The following SNX29 variants were observed in gnomAD, a reference collection of about 807,000 sequenced individuals.
SNX29 encodes the protein sorting nexin-29.
SNX29 carries 78 observed loss-of-function variants against 102.1 expected under a neutral mutation model. That is an observed-to-expected ratio of 0.76 (90% CI 0.64 to 0.92). SNX29 has a LOEUF of 0.92. SNX29 is among the 40% of genes least tolerant of loss of function. SNX29 has a pLI of 0.00. For synonymous variants in SNX29, 580 were observed against 414.5 expected (o/e 1.40, Z -4.85); for missense variants, 1,280 against 1,061.7 (o/e 1.21, Z -2.86).
chr16:12,300,307 C>T (rs1314894801), intron 15 of SNX29, among the ~76,000 whole-genome samples: 1 of 152,208 alleles, frequency 6.6e-6, no homozygotes, highest in African/African-American at 2.4e-5. Flanking sequence ...ACCACTTTCT[C>T]CAACCAAGGC....
intron 14 of SNX29, among the ~76,000 whole-genome samples, chr16:12,227,936 G>A (rs1258296740): frequency 2.7e-5 from 4 of 147,550 alleles, no homozygotes; most frequent in Non-Finnish European, 6.0e-5. Flanking sequence ...AGACCGAAGT[G>A]AGGTCTCTGG....
At chr16:12,353,505 T>C (rs1325769831) in intron 15 of SNX29, among the ~76,000 whole-genome samples, 1 of 140,176 alleles carries the variant, frequency 7.1e-6, no homozygotes, top group Non-Finnish European at 1.5e-5. Flanking sequence ...AGCCACAGGC[T>C]CATACCAGAA....
intron 15 of SNX29, among the ~76,000 whole-genome samples, chr16:12,345,936 C>A (rs1020881911): frequency 2.0e-5 from 3 of 152,154 alleles, no homozygotes; most frequent in African/African-American, 7.2e-5. Flanking sequence ...TAGAATGCAC[C>A]TCTGTGTGCC....
At chr16:12,559,413 A>T (rs1361932754) in intron 20 of SNX29, among the ~76,000 whole-genome samples, 1 of 151,204 alleles carries the variant, frequency 6.6e-6, no homozygotes. Context: ...GGGACCATCT[A>T]GTTGCAGGAA....
Position 12,198,816 on chromosome 16 carries a change from A to G in SNX29, c.1596-785A>G, listed in dbSNP as rs144106972. Reference sequence around the variant, plus strand: ...TATTGTGCATTTTTCTACTGAATGAAGCATCTTTCCGCTGAATGACGGATG... The same window carrying G: ...TATTGTGCATTTTTCTACTGAATGAGGCATCTTTCCGCTGAATGACGGATG... On this transcript the variant is annotated intron_variant, in intron 13 of 20. Transcript: ENST00000566228. Among the ~76,000 whole-genome samples, 476 of 152,354 alleles carry G rather than the reference A, an allele frequency of 3.1e-3. 4 individuals are homozygous for G. Among genetic ancestry groups the G allele is most frequent in the African/African-American group, 0.011 (446 of 41,578 alleles).
At chr16:12,416,157 G>A (rs970698840) in intron 18 of SNX29, among the ~76,000 whole-genome samples, 14 of 152,226 alleles carry the variant, frequency 9.2e-5, no homozygotes, top group African/African-American at 2.9e-4. Context: ...TGCTCTGTTC[G>A]GTTTCTGACC....
intron 13 of SNX29, among the ~76,000 whole-genome samples, chr16:12,142,550 G>T (rs530258598): frequency 6.6e-6 from 1 of 152,044 alleles, no homozygotes; most frequent in Non-Finnish European, 1.5e-5. Context: ...CAAGATGAAC[G>T]ATTGATATTG....
chr16:12,286,606 A>C (rs2079608388), intron 15 of SNX29, among the ~76,000 whole-genome samples: 1 of 152,010 alleles, frequency 6.6e-6, no homozygotes, highest in South Asian at 2.1e-4. Flanking sequence ...TGGCCTCCCA[A>C]AGTGCTGGGA....
rs1297965670 is a variant in SNX29, at chr16:12,108,172, C to T, written c.1403-18461C>T. Among the ~76,000 whole-genome samples, 2 of 152,194 alleles carry T rather than the reference C, an allele frequency of 1.3e-5. 1 individual carries two copies. The highest frequency in any genetic ancestry group is 3.8e-4 in the East Asian group (2 of 5,196). The stretch of plus-strand genomic sequence containing the variant: ...CAATCTTTAGGGTAGGAGAAGCCCT[C>T]CCAGTGGTAGAGGAAGTTGACTTTT... On this transcript the variant is annotated intron_variant, in intron 11 of 20. Transcript: ENST00000566228.
intron 18 of SNX29, among the ~76,000 whole-genome samples, chr16:12,473,513 C>T (rs774687274): frequency 6.6e-6 from 1 of 152,214 alleles, no homozygotes; most frequent in African/African-American, 2.4e-5. Flanking sequence ...TTCTGGGTCA[C>T]TGCAGCAGAG....
chr16:12,088,074 G>A (rs112166288), intron 11 of SNX29: 72 of 456,676 alleles, frequency 1.6e-4, no homozygotes, highest in African/African-American at 1.4e-3. Context: ...GCATGACTGG[G>A]AAGGATGGGT....
chr16:12,092,417 T>C (rs749622690), intron 11 of SNX29, among the ~76,000 whole-genome samples: 13 of 152,246 alleles, frequency 8.5e-5, no homozygotes, highest in Non-Finnish European at 1.8e-4. Flanking sequence ...CAGTCTGTTA[T>C]AATCACCATT....
rs1278629292 is a variant in SNX29 at position 12,254,219 on chromosome 16, C to A, written c.1679-23714C>A. ...AGTTAGTATGCCGGGGCCCACAATA[C>A]CGAATGGAACACATTGAGGGTATTG... On this transcript the variant is annotated intron_variant, in intron 14 of 20. Transcript: ENST00000566228. Among the ~76,000 whole-genome samples the A allele has an allele frequency of 2.0e-5, 3 of 152,014 alleles. No homozygotes were observed. The East Asian group carries it at 5.8e-4, about 29-fold the overall frequency.
chr16:12,471,353 A>G (rs1597499385), intron 18 of SNX29, among the ~76,000 whole-genome samples: 1 of 152,136 alleles, frequency 6.6e-6, no homozygotes, highest in African/African-American at 2.4e-5. Flanking sequence ...TCCTGAATAT[A>G]ATTGCTTAAT....
At chr16:12,354,290 C>T (rs1286460851) in intron 15 of SNX29, among the ~76,000 whole-genome samples, 1 of 152,130 alleles carries the variant, frequency 6.6e-6, no homozygotes, top group Non-Finnish European at 1.5e-5. Flanking sequence ...TTAATGGTTG[C>T]TGGAAATTAT....
chr16:12,411,566 C>A (rs1347195483), intron 18 of SNX29, among the ~76,000 whole-genome samples: 1 of 152,144 alleles, frequency 6.6e-6, no homozygotes, highest in Non-Finnish European at 1.5e-5. Flanking sequence ...TTAAAATTTC[C>A]CTTCCAGTAT....
At position 12,042,877 on chromosome 16, in the gene SNX29, C is replaced by T. The variant is rs769658427; in HGVS notation, c.248-20C>T. 1.1e-5 allele frequency: 18 copies of T among 1,591,294 alleles called. No homozygotes were observed. Among genetic ancestry groups the T allele is most frequent in the Non-Finnish European group, 1.5e-5 (18 of 1,165,054 alleles). ...AGTGCCCCAGGCCGAGTGCCAGGCGCCTGTGCCCTCTCTCCGTAGAGCCCG... is the reference window on the plus strand; with the variant it reads ...AGTGCCCCAGGCCGAGTGCCAGGCGTCTGTGCCCTCTCTCCGTAGAGCCCG... On this transcript the variant is annotated intron_variant, in intron 4 of 20. Coordinates refer to ENST00000566228, the MANE Select transcript of SNX29 (RefSeq NM_032167.5).
At chr16:12,108,176 G>T (rs1356875609) in intron 11 of SNX29, among the ~76,000 whole-genome samples, 1 of 152,226 alleles carries the variant, frequency 6.6e-6, no homozygotes, top group Non-Finnish European at 1.5e-5. Context: ...AGCCCTCCCA[G>T]TGGTAGAGGA....
intron 1 of SNX29, among the ~76,000 whole-genome samples, chr16:11,979,905 G>C (rs1212622303): frequency 1.3e-5 from 2 of 152,092 alleles, no homozygotes; most frequent in African/African-American, 4.8e-5. Context: ...GCCCCACAAA[G>C]TGCTGGGATT....
Sources: gnomAD v4.1 joint callset for allele counts (sites outside exome capture counted in the v4.1 genomes callset) on GRCh38, gnomAD v4.1.1 for gene constraint, MANE v1.5 for transcripts, NCBI Gene and HGNC (gene_info 2026-07-23, HGNC 2026-07-21) for gene names.